PDE4D: variants seen among roughly 807,000 people sequenced by gnomAD.
PDE4D encodes phosphodiesterase 4D.
Under a neutral mutation model 87.4 loss-of-function variants are expected in PDE4D, and 24 were observed. That is an observed-to-expected ratio of 0.27 (90% confidence interval 0.20 to 0.39). The LOEUF (loss-of-function observed/expected upper bound fraction) is 0.39. Ranked by LOEUF, PDE4D falls within the 10% of genes least tolerant of loss-of-function variation. The probability of loss-of-function intolerance (pLI) is 1.00; values close to 1 mark genes in which losing one functional copy is unlikely to be tolerated. For synonymous variants in PDE4D, 384 were observed against 383.2 expected, an observed-to-expected ratio of 1.00 and a Z score of -0.02; for missense variants, 714 against 1,041.0, an observed-to-expected ratio of 0.69 and a Z score of 4.32.
intron 1 of PDE4D, among the ~76,000 whole-genome samples, chr5:59,779,175 A>G: frequency 6.6e-6 from 1 of 151,758 alleles, no homozygotes; most frequent in South Asian, 2.1e-4. Context: ...AAAAAAAAAA[A>G]GAAAGAAATC....
At chr5:59,961,237 G>A (rs1424240779) in intron 3 of PDE4D, among the ~76,000 whole-genome samples, 1 of 150,946 alleles carries the variant, frequency 6.6e-6, no homozygotes, top group African/African-American at 2.4e-5. Flanking sequence ...CAAGTCCAAT[G>A]ATTTATGATT....
intron 1 of PDE4D, among the ~76,000 whole-genome samples, chr5:59,668,830 AGAGGAAGAG>A (rs1411113346): frequency 1.3e-4 from 10 of 77,332 alleles, no homozygotes; most frequent in African/African-American, 5.2e-4. Context: ...AAGAAGAAGA[AGAGGAAGAG>A]GAAGAGGAAG....
At chr5:59,687,866 G>A (rs1161085490) in intron 1 of PDE4D, among the ~76,000 whole-genome samples, 1 of 152,090 alleles carries the variant, frequency 6.6e-6, no homozygotes, top group Non-Finnish European at 1.5e-5. Flanking sequence ...ATAAAGGGAG[G>A]AAGGAAGATC....
intron 3 of PDE4D, among the ~76,000 whole-genome samples, chr5:59,982,469 C>A (rs1221473129): frequency 3.9e-5 from 6 of 152,312 alleles, no homozygotes; most frequent in East Asian, 1.9e-4. Context: ...AAGCTAGACT[C>A]TCCTTAGATT....
intron 5 of PDE4D, among the ~76,000 whole-genome samples, chr5:59,165,404 G>A (rs1409523702): frequency 6.6e-6 from 1 of 152,186 alleles, no homozygotes; most frequent in Non-Finnish European, 1.5e-5. Flanking sequence ...CTCCCAAGGA[G>A]CTGGGATTAC....
intron 1 of PDE4D, among the ~76,000 whole-genome samples, chr5:60,510,452 T>C (rs2150254848): frequency 6.6e-6 from 1 of 152,228 alleles, no homozygotes; most frequent in East Asian, 1.9e-4. Context: ...AGACTATAGA[T>C]AAGATGGTGT....
At chr5:59,500,623 G>A (rs1870078) in intron 1 of PDE4D, among the ~76,000 whole-genome samples, 255 of 151,954 alleles carry the variant, frequency 1.7e-3, no homozygotes, top group African/African-American at 5.5e-3. Context: ...GAGGAGGGAG[G>A]TGAGCAAGTG....
At position 59,421,225 on chromosome 5, in the gene PDE4D, TAGAA is replaced by T. The variant is rs559965316; in HGVS notation, c.456-205261_456-205258del. On this transcript the variant is annotated intron_variant, in intron 1 of 14. Coordinates refer to ENST00000340635, the MANE Select transcript of PDE4D (RefSeq NM_001104631.2). Reference sequence around the variant, plus strand: ...ATTGTTTTTTGATTCAACCATTGCTTAGAAAGAAACATCAGAGCAGTAGAATTTG... The same window carrying T: ...ATTGTTTTTTGATTCAACCATTGCTTAGAAACATCAGAGCAGTAGAATTTG... Among the ~76,000 whole-genome samples the T allele has an allele frequency of 2.0e-3, 311 of 152,244 alleles. 1 individual carries two copies. The highest frequency in any genetic ancestry group is 3.7e-3 in the Non-Finnish European group (251 of 68,010).
chr5:59,259,663 A>AG (rs898273962), intron 1 of PDE4D, among the ~76,000 whole-genome samples: 8 of 150,012 alleles, frequency 5.3e-5, no homozygotes, highest in Non-Finnish European at 7.5e-5. Flanking sequence ...TGGATAACTG[A>AG]GAAAAAAAAG....
chr5:60,242,944 C>T (rs1004933824), intron 1 of PDE4D, among the ~76,000 whole-genome samples: 1 of 151,650 alleles, frequency 6.6e-6, no homozygotes, highest in African/African-American at 2.4e-5. Flanking sequence ...AAAGCAAGAG[C>T]AAACCAAACC....
At chr5:60,082,707 T>C (rs973401097) in intron 2 of PDE4D, among the ~76,000 whole-genome samples, 2 of 152,290 alleles carry the variant, frequency 1.3e-5, no homozygotes, top group South Asian at 4.1e-4. Context: ...CTACTTTGTG[T>C]CTGGAATGAG....
chr5:60,365,773 G>A (rs946444736), intron 1 of PDE4D, among the ~76,000 whole-genome samples: 1 of 151,986 alleles, frequency 6.6e-6, no homozygotes, highest in Non-Finnish European at 1.5e-5. Context: ...GCCAGGCGTG[G>A]TGGCTCACCC....
chr5:60,469,378 T>C (rs1747646886), intron 1 of PDE4D, among the ~76,000 whole-genome samples: 1 of 152,140 alleles, frequency 6.6e-6, no homozygotes, highest in Non-Finnish European at 1.5e-5. Flanking sequence ...TAGGCAACAT[T>C]CTCCAACACT....
At chr5:59,308,738 C>A (rs139573411) in intron 1 of PDE4D, among the ~76,000 whole-genome samples, 5 of 152,096 alleles carry the variant, frequency 3.3e-5, no homozygotes, top group Admixed American at 2.6e-4. Context: ...GCTGGCTGGT[C>A]TCCTGCCAGG....
intron 1 of PDE4D, among the ~76,000 whole-genome samples, chr5:59,299,627 T>C (rs1430771021): frequency 6.6e-6 from 1 of 152,188 alleles, no homozygotes; most frequent in East Asian, 1.9e-4. Context: ...ATGATTAGGT[T>C]TGTTTGTCTG....
At chr5:58,985,467 G>C (rs893110050) in intron 11 of PDE4D, among the ~76,000 whole-genome samples, 15 of 152,092 alleles carry the variant, frequency 9.9e-5, no homozygotes, top group African/African-American at 2.9e-4. Flanking sequence ...GAAAAACGAA[G>C]AGCACATGTA....
At chr5:60,063,091 GA>G (rs1473331887) in intron 2 of PDE4D, among the ~76,000 whole-genome samples, 1 of 99,384 alleles carries the variant, frequency 1.0e-5, no homozygotes, top group African/African-American at 3.8e-5. Context: ...AAGAAAGAAA[GA>G]AAGAAGAAAG....
intron 5 of PDE4D, among the ~76,000 whole-genome samples, chr5:59,045,726 G>A (rs560861683): frequency 7.2e-5 from 11 of 152,252 alleles, no homozygotes; most frequent in Non-Finnish European, 1.5e-4. Flanking sequence ...ATCTTCAAGA[G>A]TAGGAGTCAC....
At chr5:59,453,851 C>T (rs531344822) in intron 1 of PDE4D, among the ~76,000 whole-genome samples, 5 of 152,268 alleles carry the variant, frequency 3.3e-5, no homozygotes, top group South Asian at 2.1e-4. Flanking sequence ...CAAATGTAGA[C>T]AAAACAAACT....
Sources: allele counts gnomAD v4.1 joint callset (sites outside exome capture counted in the v4.1 genomes callset), GRCh38; gene constraint gnomAD v4.1.1; transcripts MANE v1.5; gene names NCBI Gene and HGNC (gene_info 2026-07-23, HGNC 2026-07-21).